TUBD1: variants seen among roughly 807,000 people sequenced by gnomAD.
TUBD1 encodes tubulin delta 1.
Under a neutral mutation model 51.2 loss-of-function variants are expected in TUBD1, and 38 were observed. The ratio of observed to expected loss-of-function variants is 0.74; its 90% confidence interval spans 0.57 to 0.97. The LOEUF (loss-of-function observed/expected upper bound fraction) is 0.97. Among genes scored for constraint, TUBD1 ranks in the 50% least tolerant of loss-of-function variants. The pLI, the probability that TUBD1 is intolerant of heterozygous loss-of-function variation, is 0.00. For missense variants in TUBD1, 489 were observed against 538.4 expected (o/e 0.91, Z 0.91); for synonymous variants, 169 against 178.2 (o/e 0.95, Z 0.41).
intron 3 of TUBD1, among the ~76,000 whole-genome samples, chr17:59,882,401 C>T (rs578058305): frequency 3.3e-4 from 50 of 152,170 alleles, no homozygotes; most frequent in African/African-American, 1.2e-3. Flanking sequence ...ATTCTCCCAC[C>T]TCAGTCTCCC....
chr17:59,864,662 T>G (rs988654856), intron 7 of TUBD1, among the ~76,000 whole-genome samples: 1 of 151,996 alleles, frequency 6.6e-6, no homozygotes, highest in Non-Finnish European at 1.5e-5. Flanking sequence ...CCACCATGCC[T>G]AATATTTTTA....
At chr17:59,867,636 C>T (rs1381737077) in intron 6 of TUBD1, among the ~76,000 whole-genome samples, 7 of 152,010 alleles carry the variant, frequency 4.6e-5, no homozygotes, top group Admixed American at 4.6e-4. Context: ...TACAGTGAGC[C>T]GTGATACTGC....
intron 6 of TUBD1, among the ~76,000 whole-genome samples, chr17:59,868,821 G>C (rs879806837): frequency 1.3e-5 from 2 of 150,824 alleles, no homozygotes; most frequent in African/African-American, 4.9e-5. Flanking sequence ...TGGCGACGGA[G>C]CGAGACTCCA....
chr17:59,870,260 T>C (rs868047587), intron 6 of TUBD1, among the ~76,000 whole-genome samples: 5 of 150,920 alleles, frequency 3.3e-5, no homozygotes, highest in South Asian at 2.1e-4. Context: ...TCCCAGCTAC[T>C]TGGAATTCCG....
intron 6 of TUBD1, among the ~76,000 whole-genome samples, chr17:59,867,149 T>C (rs2039743411): frequency 6.6e-6 from 1 of 150,586 alleles, no homozygotes. Context: ...AATGGTCTTG[T>C]GGTATGTGTA....
intron 2 of TUBD1, among the ~76,000 whole-genome samples, chr17:59,889,559 C>G (rs943798955): frequency 6.7e-5 from 10 of 149,946 alleles, no homozygotes; most frequent in Non-Finnish European, 1.0e-4. Flanking sequence ...GTCCCAGCTA[C>G]TCATGAGGCT....
At chr17:59,875,902 T>C (rs577943904) in intron 5 of TUBD1, among the ~76,000 whole-genome samples, 25 of 152,278 alleles carry the variant, frequency 1.6e-4, no homozygotes, top group African/African-American at 6.0e-4. Flanking sequence ...AGCTGTCTCA[T>C]ATGTTTATAG....
intron 6 of TUBD1, among the ~76,000 whole-genome samples, chr17:59,871,959 C>T (rs1389385253): frequency 1.4e-5 from 2 of 139,144 alleles, no homozygotes; most frequent in Non-Finnish European, 3.1e-5. Context: ...CTATGCCCAG[C>T]ATTTTTTTTT....
At chr17:59,887,162 A>G (rs2040775394) in intron 2 of TUBD1, among the ~76,000 whole-genome samples, 1 of 151,892 alleles carries the variant, frequency 6.6e-6, no homozygotes, top group Non-Finnish European at 1.5e-5. Flanking sequence ...CTCCAGCCTG[A>G]GCAATAAAAG....
chr17:59,880,098 G>A (rs576087057), intron 4 of TUBD1, among the ~76,000 whole-genome samples: 6 of 149,862 alleles, frequency 4.0e-5, no homozygotes, highest in East Asian at 2.0e-4. Flanking sequence ...TCGCTCTGTC[G>A]CCAGGCTGGA....
At chr17:59,885,586 C>G (rs1188499509) in intron 3 of TUBD1, 1 of 1,093,242 alleles carries the variant, frequency 9.1e-7, no homozygotes, top group Non-Finnish European at 1.4e-6. Context: ...TGCCCTCTAA[C>G]TAGGATTCCC....
chr17:59,865,458 T>C (rs921702643), intron 7 of TUBD1, among the ~76,000 whole-genome samples: 2 of 152,140 alleles, frequency 1.3e-5, no homozygotes, highest in Non-Finnish European at 2.9e-5. Flanking sequence ...CGCATGCCTA[T>C]AATCCCAGCT....
At chr17:59,860,638 G>A (rs2039398942) in intron 8 of TUBD1, among the ~76,000 whole-genome samples, 2 of 151,476 alleles carry the variant, frequency 1.3e-5, no homozygotes, top group African/African-American at 4.9e-5. Context: ...CTAGGCTGGA[G>A]TGCAGTGGCA....
chr17:59,863,168 A>C (rs1200173733), intron 8 of TUBD1, among the ~76,000 whole-genome samples: 1 of 152,212 alleles, frequency 6.6e-6, no homozygotes, highest in African/African-American at 2.4e-5. Flanking sequence ...CCTCGTGAGA[A>C]ATGTCCTCAG....
intron 6 of TUBD1, among the ~76,000 whole-genome samples, chr17:59,868,599 C>A (rs577370479): frequency 6.6e-6 from 1 of 151,744 alleles, no homozygotes; most frequent in African/African-American, 2.4e-5. Flanking sequence ...CAGCACTTTG[C>A]GAGGCAGAGG....
At position 59,863,697 on chromosome 17, in the gene TUBD1, A is replaced by G. The variant is rs760661002; in HGVS notation, c.1226T>C (p.Ile409Thr). ...AAACATATTCCATGCCTTCCCAACA[A>G]TCATATCAAGTGGTTTTACTAAGAA... ...SQFLVKPLDMIVGKAWNMFAS... is the reference protein window; with the variant it reads ...SQFLVKPLDMTVGKAWNMFAS... The change falls in exon 8 of 9, where the codon ATT becomes ACT. Residue 409 changes from isoleucine to threonine, a missense_variant. Transcript: ENST00000325752. 2 of 1,595,042 alleles carry G rather than the reference A, an allele frequency of 1.3e-6. No individual in the cohort carries two copies. Among genetic ancestry groups the G allele is most frequent in the South Asian group, 2.3e-5 (2 of 86,982 alleles).
intron 6 of TUBD1, among the ~76,000 whole-genome samples, chr17:59,871,495 G>A (rs532707936): frequency 7.9e-4 from 120 of 152,182 alleles, no homozygotes; most frequent in African/African-American, 2.8e-3. Flanking sequence ...ACTGCACCCG[G>A]CCAGAATGAA....
chr17:59,861,026 A>G (rs903225123), intron 8 of TUBD1, among the ~76,000 whole-genome samples: 3 of 151,980 alleles, frequency 2.0e-5, no homozygotes, highest in Non-Finnish European at 4.4e-5. Flanking sequence ...ATAACACCCT[A>G]TATTCAGTAT....
Position 59,860,429 on chromosome 17 carries a change from T to TATA in TUBD1, c.1260-6_1260-5insTAT. ...GTGTACTGATGAATGTAGGCTCTGG[T>TATA]AGAAAAAAAAAAAAAACAGAAATTA... On this transcript the variant is annotated splice_region_variant and splice_polypyrimidine_tract_variant and intron_variant, in intron 8 of 8. Coordinates refer to ENST00000325752, the MANE Select transcript of TUBD1 (RefSeq NM_016261.4). 1.4e-6 allele frequency: 2 copies of TATA among 1,444,856 alleles called. No individual in the cohort carries two copies. The highest frequency in any genetic ancestry group is 1.9e-6 in the Non-Finnish European group (2 of 1,070,862). The allele number at this position is 1,444,856 out of a possible 1,614,324, so 89.5% of individuals were successfully genotyped here. A position where few individuals can be genotyped will look rare whatever the true frequency, so the allele number is the denominator to read the frequency against.
Sources: gnomAD v4.1 joint callset for allele counts (sites outside exome capture counted in the v4.1 genomes callset) on GRCh38, gnomAD v4.1.1 for gene constraint, MANE v1.5 for transcripts, NCBI Gene and HGNC (gene_info 2026-07-23, HGNC 2026-07-21) for gene names.